PHLDB2: variants seen among roughly 807,000 people sequenced by gnomAD.
The protein encoded by PHLDB2 is pleckstrin homology-like domain family B member 2.
PHLDB2 carries 71 observed loss-of-function variants against 123.6 expected under a neutral mutation model. The observed-to-expected ratio is 0.57, with a 90% CI of 0.47 to 0.70. The LOEUF (loss-of-function observed/expected upper bound fraction) is 0.70. Ranked by LOEUF, PHLDB2 falls within the 30% of genes least tolerant of loss-of-function variation. The pLI, the probability that PHLDB2 is intolerant of heterozygous loss-of-function variation, is 0.00. For synonymous variants in PHLDB2, 547 were observed against 541.6 expected (o/e 1.01, Z -0.14); for missense variants, 1,446 against 1,519.5 (o/e 0.95, Z 0.80).
chr3:111,944,887 A>G (rs1228084894), intron 8 of PHLDB2, among the ~76,000 whole-genome samples: 1 of 152,010 alleles, frequency 6.6e-6, no homozygotes, highest in Non-Finnish European at 1.5e-5. Context: ...GTTAGCCAGG[A>G]TGGTCTCAAT....
chr3:111,951,783 G>A (rs959643179), intron 10 of PHLDB2, among the ~76,000 whole-genome samples: 2 of 151,398 alleles, frequency 1.3e-5, no homozygotes, highest in South Asian at 4.2e-4. Context: ...TCATAGTTTT[G>A]GGGGGAACAG....
chr3:111,894,919 A>C (rs1171426540), intron 2 of PHLDB2, among the ~76,000 whole-genome samples: 1 of 144,912 alleles, frequency 6.9e-6, no homozygotes, highest in Admixed American at 7.1e-5. Flanking sequence ...CTCTCTACAA[A>C]TTGCTGGTTT....
chr3:111,832,332 T>C (rs1031309616), intron 1 of PHLDB2, among the ~76,000 whole-genome samples: 5 of 148,020 alleles, frequency 3.4e-5, no homozygotes, highest in African/African-American at 1.2e-4. Flanking sequence ...CATTGTTTGC[T>C]TTAATGGTAT....
chr3:111,937,828 A>G (rs1405046996), intron 6 of PHLDB2, among the ~76,000 whole-genome samples: 1 of 152,068 alleles, frequency 6.6e-6, no homozygotes, highest in Non-Finnish European at 1.5e-5. Context: ...TTTCCTAAAC[A>G]TACGCGATTT....
intron 1 of PHLDB2, among the ~76,000 whole-genome samples, chr3:111,860,434 C>G (rs1262886609): frequency 6.6e-6 from 1 of 152,232 alleles, no homozygotes; most frequent in Non-Finnish European, 1.5e-5. Flanking sequence ...AGTATTTTAA[C>G]CCTCTGTTTC....
intron 1 of PHLDB2, among the ~76,000 whole-genome samples, chr3:111,799,418 A>C (rs533913894): frequency 2.4e-4 from 37 of 152,376 alleles, no homozygotes; most frequent in Admixed American, 2.2e-3. Flanking sequence ...AAAGAAAATT[A>C]AATTCTACTT....
chr3:111,931,693 A>G (rs527753460), intron 5 of PHLDB2, among the ~76,000 whole-genome samples: 2 of 152,280 alleles, frequency 1.3e-5, no homozygotes, highest in East Asian at 3.9e-4. Context: ...CTGGATTAAG[A>G]TTTTCTAACT....
chr3:111,779,278 T>A (rs4634085), intron 1 of PHLDB2, among the ~76,000 whole-genome samples: 1 of 151,826 alleles, frequency 6.6e-6, no homozygotes, highest in African/African-American at 2.4e-5. Flanking sequence ...TTATAGAATC[T>A]GGGGTACATG....
intron 1 of PHLDB2, among the ~76,000 whole-genome samples, chr3:111,750,716 C>G (rs995824953): frequency 6.6e-6 from 1 of 152,062 alleles, no homozygotes; most frequent in Non-Finnish European, 1.5e-5. Context: ...GAGGTCAAGG[C>G]GGGCAGATCT....
At chr3:111,966,552 GTATT>G (rs902351074) in intron 13 of PHLDB2, 57 bp from the exon 14 acceptor site, 127 of 1,052,778 alleles carry the variant, frequency 1.2e-4, no homozygotes, top group Middle Eastern at 4.1e-4. Flanking sequence ...GTGTGTGTAT[GTATT>G]AGAGAGACTT....
At chr3:111,972,632 T>C (rs991268859) in intron 16 of PHLDB2, among the ~76,000 whole-genome samples, 3 of 127,918 alleles carry the variant, frequency 2.3e-5, no homozygotes, top group Admixed American at 1.6e-4. Flanking sequence ...TGGGACTAAA[T>C]TATTCATTCT....
At chr3:111,793,157 T>C (rs1165051669) in intron 1 of PHLDB2, among the ~76,000 whole-genome samples, 4 of 152,182 alleles carry the variant, frequency 2.6e-5, no homozygotes, top group Non-Finnish European at 5.9e-5. Context: ...AGGTCCAGAA[T>C]TGCTGTCTTT....
chr3:111,926,049 CAA>C (rs916950983), intron 5 of PHLDB2, among the ~76,000 whole-genome samples: 1 of 152,212 alleles, frequency 6.6e-6, no homozygotes, highest in Non-Finnish European at 1.5e-5. Context: ...TGTTTAAGGA[CAA>C]ATATTGTGTG....
rs768559830 is a variant in PHLDB2, at chr3:111,952,699, G to A, written c.2759G>A (p.Ser920Asn). The A allele has an allele frequency of 1.9e-6, 3 of 1,612,852 alleles. No homozygotes were observed. The change falls in exon 11 of 18, where the codon AGC (serine) becomes AAC (asparagine). Residue 920 changes from serine to asparagine, a missense_variant. Transcript: ENST00000431670. ...PHFSSATMGRSITPKAHLPLG... is the reference protein window; with the variant it reads ...PHFSSATMGRNITPKAHLPLG... ...TTCAGCAGTGCTACTATGGGGAGAA[G>A]CATCACCCCAAAGGTAGGACCTGGG...
chr3:111,973,949 A>G (rs2072384655), intron 17 of PHLDB2, 132 bp downstream of exon 17: 7 of 536,976 alleles, frequency 1.3e-5, no homozygotes. Flanking sequence ...GGTGCTGGAA[A>G]AGTAAACATG....
At chr3:111,824,081 T>C (rs547917481) in intron 1 of PHLDB2, among the ~76,000 whole-genome samples, 9 of 152,334 alleles carry the variant, frequency 5.9e-5, no homozygotes, top group African/African-American at 2.2e-4. Context: ...CTTCTCTGTC[T>C]GCAGATAACT....
At chr3:111,821,204 T>C (rs2062361970) in intron 1 of PHLDB2, among the ~76,000 whole-genome samples, 1 of 152,210 alleles carries the variant, frequency 6.6e-6, no homozygotes, top group Non-Finnish European at 1.5e-5. Context: ...ACTGCCATGA[T>C]AGATTTTGAA....
intron 1 of PHLDB2, among the ~76,000 whole-genome samples, chr3:111,802,015 A>G (rs1278089129): frequency 6.6e-6 from 1 of 152,236 alleles, no homozygotes; most frequent in African/African-American, 2.4e-5. Flanking sequence ...ATTATAGTAT[A>G]TGAATTCTAT....
chr3:111,850,289 C>T lies in PHLDB2; in HGVS notation c.67+4354C>T, dbSNP rs553194492. Among the ~76,000 whole-genome samples the T allele has an allele frequency of 2.0e-5, 3 of 152,136 alleles. No individual in the cohort carries two copies. In the South Asian group the frequency reaches 6.2e-4, roughly 32 times the overall value. On this transcript the variant is annotated intron_variant, in intron 2 of 17. Transcript: ENST00000393923. ...AGAGTGACATAATGGACTTTAGAAACTCAAAGGGAGAAGGTGAGGGGGGCA... is the reference window on the plus strand; with the variant it reads ...AGAGTGACATAATGGACTTTAGAAATTCAAAGGGAGAAGGTGAGGGGGGCA...
Sources: allele counts gnomAD v4.1 joint callset (sites outside exome capture counted in the v4.1 genomes callset), GRCh38; gene constraint gnomAD v4.1.1; transcripts MANE v1.5; gene names NCBI Gene and HGNC (gene_info 2026-07-23, HGNC 2026-07-21).